PLEKHA5: variants seen among roughly 807,000 people sequenced by gnomAD.
PLEKHA5 encodes the protein pleckstrin homology domain containing A5.
Under a neutral mutation model 181.9 loss-of-function variants are expected in PLEKHA5, and 55 were observed. The ratio of observed to expected loss-of-function variants is 0.30; its 90% CI spans 0.24 to 0.38. The LOEUF is 0.38. Ranked by LOEUF, PLEKHA5 falls within the 10% of genes least tolerant of loss-of-function variation. The probability of loss-of-function intolerance (pLI) is 1.00; values close to 1 mark genes in which losing one functional copy is unlikely to be tolerated. For synonymous variants in PLEKHA5, 535 were observed against 529.4 expected (o/e 1.01, Z -0.15); for missense variants, 1,432 against 1,549.5 (o/e 0.92, Z 1.27).
intron 3 of PLEKHA5, chr12:19,202,101 G>C (rs1479790350): frequency 1.7e-6 from 1 of 596,170 alleles, no homozygotes; most frequent in Non-Finnish European, 2.1e-6. Flanking sequence ...CTTTACTCTT[G>C]AAAATTATTT....
At chr12:19,174,664 G>A (rs1289440801) in intron 3 of PLEKHA5, among the ~76,000 whole-genome samples, 1 of 152,120 alleles carries the variant, frequency 6.6e-6, no homozygotes, top group Admixed American at 6.5e-5. Context: ...TGACACCTAG[G>A]TTATTCAGCT....
intron 21 of PLEKHA5, among the ~76,000 whole-genome samples, chr12:19,340,785 A>C (rs1333599477): frequency 6.7e-6 from 1 of 149,796 alleles, no homozygotes; most frequent in Non-Finnish European, 1.5e-5. Context: ...ACCACTCCCT[A>C]ATCTCAAGTA....
rs1357144608 is a variant in PLEKHA5, at chr12:19,349,112, TGTTGTTGTTTG to T, written c.3019+594_3019+604del. On this transcript the variant is annotated intron_variant, in intron 25 of 31. Transcript: ENST00000429027. ...TTTTTGTTGTTGTTGTTGTTGTTGTTGTTGTTGTTTGTGATGTGTTGTTGTGTGTGAGGTCT... is the reference window on the plus strand; with the variant it reads ...TTTTTGTTGTTGTTGTTGTTGTTGTTTGATGTGTTGTTGTGTGTGAGGTCT... Among the ~76,000 whole-genome samples the T allele has an allele frequency of 5.2e-3, 784 of 151,490 alleles. 2 individuals are homozygous for T. Among genetic ancestry groups the T allele is most frequent in the African/African-American group, 0.018 (756 of 41,264 alleles).
chr12:19,158,472 A>G (rs1476030340), intron 3 of PLEKHA5, among the ~76,000 whole-genome samples: 1 of 152,248 alleles, frequency 6.6e-6, no homozygotes, highest in Non-Finnish European at 1.5e-5. Flanking sequence ...TAGCTTGAAG[A>G]ATGTGTACTT....
chr12:19,358,842 T>C (rs1023900892), intron 27 of PLEKHA5, among the ~76,000 whole-genome samples: 4 of 152,210 alleles, frequency 2.6e-5, no homozygotes, highest in African/African-American at 9.6e-5. Context: ...ATGACCTAAA[T>C]TGTAGCAGGA....
intron 15 of PLEKHA5, among the ~76,000 whole-genome samples, chr12:19,297,473 T>C (rs1419677044): frequency 1.4e-5 from 2 of 147,630 alleles, no homozygotes; most frequent in African/African-American, 5.0e-5. Flanking sequence ...ATACAAAAAA[T>C]TAGCCGGGCG....
At chr12:19,297,827 C>T (rs1276469651) in intron 15 of PLEKHA5, among the ~76,000 whole-genome samples, 2 of 149,436 alleles carry the variant, frequency 1.3e-5, no homozygotes, top group Non-Finnish European at 3.0e-5. Flanking sequence ...GATAGATTGT[C>T]AACAGAGTCA....
chr12:19,133,949 A>G (rs1217498220), intron 3 of PLEKHA5, among the ~76,000 whole-genome samples: 1 of 152,074 alleles, frequency 6.6e-6, no homozygotes, highest in Non-Finnish European at 1.5e-5. Context: ...GTATATGTGA[A>G]GAAAAACAGT....
intron 26 of PLEKHA5, 108 bp from the exon 27 acceptor site, chr12:19,358,120 G>T: frequency 1.3e-6 from 1 of 751,828 alleles, no homozygotes; most frequent in Non-Finnish European, 2.1e-6. Flanking sequence ...ACCTCTTCTT[G>T]TGATTTTGAA....
intron 21 of PLEKHA5, among the ~76,000 whole-genome samples, chr12:19,341,889 G>GC (rs944923026): frequency 6.6e-6 from 1 of 151,848 alleles, no homozygotes; most frequent in Non-Finnish European, 1.5e-5. Context: ...ACACCACCCC[G>GC]CCCAGCTAAG....
At chr12:19,347,255 C>A in intron 24 of PLEKHA5, 73 bp downstream of exon 24, 1 of 894,014 alleles carries the variant, frequency 1.1e-6, no homozygotes, top group South Asian at 2.4e-5. Context: ...ATTTATTTTA[C>A]ACTCAAACTT....
intron 21 of PLEKHA5, among the ~76,000 whole-genome samples, chr12:19,341,088 C>T (rs1428495511): frequency 6.6e-6 from 1 of 152,114 alleles, no homozygotes; most frequent in African/African-American, 2.4e-5. Flanking sequence ...GCCTGGCCAA[C>T]ATGGCGAAAC....
chr12:19,152,901 T>G (rs186174059), intron 3 of PLEKHA5: 1 of 152,128 alleles, frequency 6.6e-6, no homozygotes, highest in Non-Finnish European at 1.5e-5. Context: ...CTCTCCTACA[T>G]TGTAGCTTAC....
chr12:19,328,814 A>G (rs928787907), intron 20 of PLEKHA5, among the ~76,000 whole-genome samples: 2 of 151,962 alleles, frequency 1.3e-5, no homozygotes, highest in African/African-American at 4.8e-5. Flanking sequence ...TCCTATTTGG[A>G]TGCATTTTAT....
chr12:19,200,624 T>C, intron 3 of PLEKHA5: 9 of 1,117,370 alleles, frequency 8.1e-6, no homozygotes, highest in Non-Finnish European at 9.8e-6. Flanking sequence ...ATTAGCTTTT[T>C]CTTCCTCTTC....
intron 3 of PLEKHA5, among the ~76,000 whole-genome samples, chr12:19,252,592 C>T (rs1159198265): frequency 2.0e-5 from 3 of 152,046 alleles, no homozygotes; most frequent in African/African-American, 7.2e-5. Context: ...CTTAGGCAAA[C>T]ATCTTTTTCT....
intron 3 of PLEKHA5, among the ~76,000 whole-genome samples, chr12:19,220,145 AAG>A (rs2058709771): frequency 6.6e-6 from 1 of 151,650 alleles, no homozygotes; most frequent in Non-Finnish European, 1.5e-5. Context: ...AAAAAAGAAA[AAG>A]AAACAATTTC....
At chr12:19,255,550 TATAAG>T (rs1365910534) in intron 5 of PLEKHA5, among the ~76,000 whole-genome samples, 8 of 151,716 alleles carry the variant, frequency 5.3e-5, no homozygotes, top group Admixed American at 5.3e-4. Context: ...AATAGATAAT[TATAAG>T]ATAATTATAA....
At chr12:19,254,263 G>A (rs1005259338) in intron 4 of PLEKHA5, among the ~76,000 whole-genome samples, 6 of 152,034 alleles carry the variant, frequency 3.9e-5, no homozygotes, top group Admixed American at 2.0e-4. Context: ...TCAAGAACCC[G>A]GGATGCAAGC....
Sources: allele counts gnomAD v4.1 joint callset (sites outside exome capture counted in the v4.1 genomes callset), GRCh38; gene constraint gnomAD v4.1.1; transcripts MANE v1.5; gene names NCBI Gene and HGNC (gene_info 2026-07-23, HGNC 2026-07-21).